DPY19L2: variants seen among roughly 807,000 people sequenced by gnomAD.
The protein encoded by DPY19L2 is dpy-19 like 2.
Under a neutral mutation model 97.9 loss-of-function variants are expected in DPY19L2, and 34 were observed. That is an observed-to-expected ratio of 0.35 (90% confidence interval 0.26 to 0.46). The LOEUF is 0.46. Ranked by LOEUF, DPY19L2 falls within the 20% of genes least tolerant of loss-of-function variation. The pLI is 1.00. For synonymous variants in DPY19L2, 230 were observed against 307.9 expected, an observed-to-expected ratio of 0.75 and a Z score of 2.65; for missense variants, 623 against 911.4, an observed-to-expected ratio of 0.68 and a Z score of 4.07.
rs1297200804 is a variant in DPY19L2, at chr12:63,559,190, G to A, written c.*1322C>T. 6.6e-6 allele frequency: 1 copy of A among 152,110 alleles called. No individual in the cohort carries two copies. The highest frequency in any genetic ancestry group is 1.5e-5 in the Non-Finnish European group (1 of 68,002). The allele number at this position is 152,110 out of a possible 1,614,324, so 9.4% of individuals were successfully genotyped here. ...TAAAATGTGGCATGTTTTCTTAGCT[G>A]TTTTGTATTCTGTTATAAGATATTT... On this transcript the variant is annotated 3_prime_UTR_variant, in exon 22 of 22. Coordinates refer to ENST00000324472, the MANE Select transcript of DPY19L2 (RefSeq NM_173812.5).
intron 6 of DPY19L2, among the ~76,000 whole-genome samples, chr12:63,632,436 G>A (rs2137959633): frequency 6.6e-6 from 1 of 152,214 alleles, no homozygotes; most frequent in African/African-American, 2.4e-5. Context: ...CAAACAGAGA[G>A]CCAAACCATG....
intron 21 of DPY19L2, among the ~76,000 whole-genome samples, chr12:63,561,970 T>C (rs984376932): frequency 4.6e-5 from 7 of 152,206 alleles, no homozygotes; most frequent in African/African-American, 1.4e-4. Context: ...AGTATGGTTA[T>C]GGATGATTCA....
chr12:63,656,965 G>A (rs900393714), intron 4 of DPY19L2, among the ~76,000 whole-genome samples: 1 of 151,890 alleles, frequency 6.6e-6, no homozygotes, highest in African/African-American at 2.4e-5. Context: ...ATTAATCATA[G>A]TTACTTAAAT....
intron 14 of DPY19L2, among the ~76,000 whole-genome samples, chr12:63,596,435 G>A (rs1390222416): frequency 6.6e-6 from 1 of 152,052 alleles, no homozygotes; most frequent in Admixed American, 6.6e-5. Flanking sequence ...AAGAAAGAAC[G>A]CTAACCAAAG....
chr12:63,600,486 G>T (rs1884957652), intron 12 of DPY19L2, 100 bp from the exon 13 acceptor site: 1 of 1,028,030 alleles, frequency 9.7e-7, no homozygotes, highest in Non-Finnish European at 1.5e-6. Flanking sequence ...TTAATTATGT[G>T]AGGTATAAAT....
At chr12:63,597,280 T>A (rs2137535289) in intron 14 of DPY19L2, among the ~76,000 whole-genome samples, 1 of 152,194 alleles carries the variant, frequency 6.6e-6, no homozygotes, top group East Asian at 1.9e-4. Flanking sequence ...CAGCCTATAT[T>A]TTAAAGCTTT....
At chr12:63,614,721 T>C (rs1887575435) in intron 11 of DPY19L2, among the ~76,000 whole-genome samples, 1 of 152,062 alleles carries the variant, frequency 6.6e-6, no homozygotes. Flanking sequence ...GAATTTGATT[T>C]GGAAATACCC....
rs546320609 is a variant in DPY19L2 at position 63,662,411 on chromosome 12, C to T, written c.451-930G>A. On this transcript the variant is annotated intron_variant, in intron 3 of 21. Transcript: ENST00000324472. ...AAATATGAATTCATAAAGAATTTTC[C>T]TTTCTGCTTAGGAGGATAACAAAGC... Among the ~76,000 whole-genome samples the T allele has an allele frequency of 3.9e-5, 6 of 151,950 alleles. No homozygotes were observed. In the South Asian group the frequency reaches 1.2e-3, roughly 32 times the overall value.
intron 3 of DPY19L2, among the ~76,000 whole-genome samples, chr12:63,662,782 A>C (rs879682591): frequency 5.3e-5 from 8 of 152,230 alleles, no homozygotes; most frequent in Non-Finnish European, 4.4e-5. Context: ...ATATCTTTAA[A>C]AAGTTCAAAT....
intron 7 of DPY19L2, among the ~76,000 whole-genome samples, chr12:63,625,637 T>C (rs998804708): frequency 2.0e-5 from 3 of 152,092 alleles, no homozygotes; most frequent in African/African-American, 7.2e-5. Flanking sequence ...ATTAGTAAGT[T>C]AATGTCTATT....
At chr12:63,560,918 T>G (rs1395531247) in intron 21 of DPY19L2, among the ~76,000 whole-genome samples, 1 of 152,294 alleles carries the variant, frequency 6.6e-6, no homozygotes, top group South Asian at 2.1e-4. Flanking sequence ...TTCATAAATA[T>G]ATATGTAAAA....
chr12:63,624,703 C>A (rs1390728112), intron 7 of DPY19L2, among the ~76,000 whole-genome samples: 1 of 152,084 alleles, frequency 6.6e-6, no homozygotes, highest in Non-Finnish European at 1.5e-5. Context: ...AAATGTGATG[C>A]AAGTAATAAA....
At chr12:63,588,917 C>A (rs539179486) in intron 16 of DPY19L2, among the ~76,000 whole-genome samples, 4 of 151,992 alleles carry the variant, frequency 2.6e-5, no homozygotes, top group East Asian at 1.9e-4. Context: ...CGATGCCCAG[C>A]TAATTTTTTG....
Position 63,617,524 on chromosome 12 carries a change from G to C in DPY19L2, c.1132-134C>G, listed in dbSNP as rs976490646. ...AATGACTCTTGGCCAAATGATAACA[G>C]AATTTCAAGTCACTGCTAGATTCTA... On this transcript the variant is annotated intron_variant, in intron 10 of 21. Coordinates refer to ENST00000324472, the MANE Select transcript of DPY19L2 (RefSeq NM_173812.5). The C allele has an allele frequency of 1.5e-4, 86 of 568,002 alleles. 1 individual carries two copies. The highest frequency in any genetic ancestry group is 9.7e-4 in the Middle Eastern group (2 of 2,052). The allele number at this position is 568,002 out of a possible 1,614,324, so 35.2% of individuals were successfully genotyped here.
intron 16 of DPY19L2, among the ~76,000 whole-genome samples, chr12:63,587,788 G>T (rs1403415167): frequency 1.3e-5 from 2 of 151,926 alleles, no homozygotes; most frequent in African/African-American, 4.8e-5. Flanking sequence ...GGCCAGGATG[G>T]TCTCGATCTC....
At chr12:63,628,141 G>A (rs539508605) in intron 6 of DPY19L2, among the ~76,000 whole-genome samples, 45 of 152,276 alleles carry the variant, frequency 3.0e-4, no homozygotes, top group Admixed American at 2.7e-3. Context: ...CAGCATGAGC[G>A]ACACAGAGGA....
intron 15 of DPY19L2, among the ~76,000 whole-genome samples, chr12:63,595,519 T>A (rs1293393089): frequency 6.6e-6 from 1 of 152,214 alleles, no homozygotes; most frequent in Admixed American, 6.5e-5. Context: ...CCACTCAAAA[T>A]AGATCAAGAC....
intron 4 of DPY19L2, among the ~76,000 whole-genome samples, chr12:63,659,473 GCA>G (rs1043486478): frequency 6.7e-5 from 6 of 89,162 alleles, no homozygotes; most frequent in South Asian, 3.5e-4. Flanking sequence ...CAAAATCACA[GCA>G]GGTTTTTTTT....
intron 21 of DPY19L2, among the ~76,000 whole-genome samples, chr12:63,566,395 G>C (rs1040644899): frequency 6.6e-6 from 1 of 151,996 alleles, no homozygotes; most frequent in Non-Finnish European, 1.5e-5. Context: ...TGGTGAAAGA[G>C]AGCATTTCCA....
Sources: allele counts gnomAD v4.1 joint callset (sites outside exome capture counted in the v4.1 genomes callset), GRCh38; gene constraint gnomAD v4.1.1; transcripts MANE v1.5; gene names NCBI Gene and HGNC (gene_info 2026-07-23, HGNC 2026-07-21).